The following TEAD4 variants were observed in gnomAD, a reference collection of about 807,000 sequenced individuals.
The protein encoded by TEAD4 is transcriptional enhancer factor TEF-3.
A neutral mutation model predicts 52.4 loss-of-function variants in TEAD4; 36 were observed. The ratio of observed to expected loss-of-function variants is 0.69; its 90% CI spans 0.53 to 0.91. The LOEUF (loss-of-function observed/expected upper bound fraction) is 0.91. Among genes scored for constraint, TEAD4 ranks in the 40% least tolerant of loss-of-function variants. The pLI is 0.00. For missense variants in TEAD4, 508 were observed against 583.9 expected, an observed-to-expected ratio of 0.87 and a Z score of 1.34; for synonymous variants, 220 against 231.0, an observed-to-expected ratio of 0.95 and a Z score of 0.43.
At chr12:3,019,203 G>A (rs572436511) in intron 8 of TEAD4, 33 bp downstream of exon 8, 26 of 1,611,508 alleles carry the variant, frequency 1.6e-5, no homozygotes, top group African/African-American at 1.6e-4. Context: ...CCTTTCTATC[G>A]CAGCCATGTG....
rs556880826 is a variant in TEAD4, at chr12:3,001,189, A to G, written c.226+6197A>G. ...TTTGTAAAGTGGAGGTCATAATACT[A>G]CTACCTTTGTGGGAGGTGATTTGGT... On this transcript the variant is annotated intron_variant, in intron 3 of 12. Coordinates refer to ENST00000359864, the MANE Select transcript of TEAD4 (RefSeq NM_003213.4). Among the ~76,000 whole-genome samples, 3 of 152,324 alleles carry G rather than the reference A, an allele frequency of 2.0e-5. No individual in the cohort carries two copies. In the South Asian group the frequency reaches 6.2e-4, roughly 32 times the overall value.
chr12:2,966,528 A>G (rs2098220408), intron 2 of TEAD4, among the ~76,000 whole-genome samples: 1 of 150,708 alleles, frequency 6.6e-6, no homozygotes, highest in Non-Finnish European at 1.5e-5. Context: ...CTCATGCCTC[A>G]GCCTCCCAAG....
Position 2,962,346 on chromosome 12 carries a change from A to ATTTT in TEAD4, c.-30+2309_-30+2312dup, listed in dbSNP as rs1555118355. ...TATATAAATATAAATATATATATAT[A>ATTTT]TTTTTTGAGATGGAGTTTCGCTCTT... On this transcript the variant is annotated intron_variant, in intron 2 of 12. Coordinates refer to ENST00000359864, the MANE Select transcript of TEAD4 (RefSeq NM_003213.4). Among the ~76,000 whole-genome samples the ATTTT allele has an allele frequency of 1.3e-3, 171 of 127,994 alleles. 1 individual carries two copies. Among genetic ancestry groups the ATTTT allele is most frequent in the African/African-American group, 4.6e-3 (152 of 33,092 alleles). 84.0% of individuals were successfully genotyped at this position (127,994 alleles called of 152,430 possible). A position where few individuals can be genotyped will look rare whatever the true frequency, so the allele number is the denominator to read the frequency against.
chr12:2,979,814 CACGAA>C (rs2098232726), intron 2 of TEAD4, among the ~76,000 whole-genome samples: 1 of 152,138 alleles, frequency 6.6e-6, no homozygotes, highest in Non-Finnish European at 1.5e-5. Context: ...GTTTTTAACC[CACGAA>C]CTTTGAGGGG....
chr12:3,034,493 G>A (rs946562954), intron 10 of TEAD4, among the ~76,000 whole-genome samples: 2 of 152,158 alleles, frequency 1.3e-5, no homozygotes, highest in South Asian at 4.1e-4. Flanking sequence ...GGGTAATAGA[G>A]GGGGATCTGC....
chr12:2,979,156 T>C (rs921739208), intron 2 of TEAD4, among the ~76,000 whole-genome samples: 3 of 152,194 alleles, frequency 2.0e-5, no homozygotes, highest in Non-Finnish European at 4.4e-5. Flanking sequence ...CCTCAGGTGA[T>C]CTGCCTGCCT....
chr12:2,976,331 T>C (rs1280478763), intron 2 of TEAD4, among the ~76,000 whole-genome samples: 1 of 137,552 alleles, frequency 7.3e-6, no homozygotes, highest in Non-Finnish European at 1.6e-5. Flanking sequence ...CTTTTTTTTT[T>C]TTTCTGAATA....
chr12:2,986,153 G>A (rs778441677), intron 2 of TEAD4, among the ~76,000 whole-genome samples: 24 of 152,066 alleles, frequency 1.6e-4, no homozygotes, highest in Admixed American at 8.5e-4. Flanking sequence ...CCTGCACAGC[G>A]TCAGGGTCGT....
chr12:2,962,327 A>AATATATAAATATAT (rs745423413), intron 2 of TEAD4, among the ~76,000 whole-genome samples: 76,552 of 112,256 alleles, frequency 0.68, 26,891 homozygotes, highest in Non-Finnish European at 0.8. Flanking sequence ...TATATATATA[A>AATATATAAATATAT]ATATAAATAT....
intron 5 of TEAD4, among the ~76,000 whole-genome samples, chr12:3,014,253 C>T (rs951551790): frequency 4.6e-5 from 7 of 152,196 alleles, no homozygotes; most frequent in Non-Finnish European, 7.3e-5. Context: ...CAGATGACCA[C>T]GGTGAACAGA....
chr12:2,988,473 T>C (rs1163302109), intron 2 of TEAD4, among the ~76,000 whole-genome samples: 15 of 146,214 alleles, frequency 1.0e-4, no homozygotes. Flanking sequence ...GAGCCGAGAT[T>C]GCGCCACTGC....
At chr12:2,987,507 T>TCAC (rs2098239531) in intron 2 of TEAD4, among the ~76,000 whole-genome samples, 1 of 152,030 alleles carries the variant, frequency 6.6e-6, no homozygotes, top group Non-Finnish European at 1.5e-5. Flanking sequence ...CGATCTCAGC[T>TCAC]CACTGCAAGC....
chr12:2,993,535 AT>A (rs1362028264), intron 2 of TEAD4, among the ~76,000 whole-genome samples: 1 of 152,090 alleles, frequency 6.6e-6, no homozygotes, highest in Admixed American at 6.6e-5. Context: ...CAGTGGCGCA[AT>A]CATGGCTAAC....
chr12:2,972,491 C>CTTTTTTTTTTTTT (rs751852771), intron 2 of TEAD4, among the ~76,000 whole-genome samples: 2 of 34,750 alleles, frequency 5.8e-5, no homozygotes, highest in African/African-American at 1.2e-4. Flanking sequence ...CAGCATGTCT[C>CTTTTTTTTTTTTT]TTTTTTTTTT....
At chr12:3,026,458 A>G (rs2098272144) in intron 10 of TEAD4, among the ~76,000 whole-genome samples, 1 of 152,190 alleles carries the variant, frequency 6.6e-6, no homozygotes, top group South Asian at 2.1e-4. Flanking sequence ...GCTTCTCTCT[A>G]TCTGCTGTCC....
At chr12:2,985,141 T>G (rs1335082128) in intron 2 of TEAD4, among the ~76,000 whole-genome samples, 1 of 152,114 alleles carries the variant, frequency 6.6e-6, no homozygotes, top group African/African-American at 2.4e-5. Context: ...TCCCAGCACT[T>G]TGGGAGGCCG....
intron 2 of TEAD4, among the ~76,000 whole-genome samples, chr12:2,986,225 C>G (rs1050466900): frequency 1.3e-5 from 2 of 152,184 alleles, no homozygotes; most frequent in East Asian, 1.9e-4. Flanking sequence ...GGCAGTAACT[C>G]GCATGGAGAT....
At position 3,001,510 on chromosome 12, in the gene TEAD4, G is replaced by A. The variant is rs554406171; in HGVS notation, c.226+6518G>A. Among the ~76,000 whole-genome samples, 129 of 152,316 alleles carry A rather than the reference G, an allele frequency of 8.5e-4. 2 individuals are homozygous for A. The highest frequency in any genetic ancestry group is 3.0e-3 in the African/African-American group (124 of 41,558). ...AATCAAGCCAGCCGCGGTGGCTCACGCCTGTAATCCCAGCACTTTGGGAGG... is the reference window on the plus strand; with the variant it reads ...AATCAAGCCAGCCGCGGTGGCTCACACCTGTAATCCCAGCACTTTGGGAGG... On this transcript the variant is annotated intron_variant, in intron 3 of 12. Transcript: ENST00000359864.
intron 2 of TEAD4, among the ~76,000 whole-genome samples, chr12:2,980,547 A>G (rs1025081866): frequency 6.6e-6 from 1 of 152,022 alleles, no homozygotes; most frequent in African/African-American, 2.4e-5. Context: ...AGTCTGGCCA[A>G]CATGGTGAAA....
Sources: gnomAD v4.1 joint callset for allele counts (sites outside exome capture counted in the v4.1 genomes callset) on GRCh38, gnomAD v4.1.1 for gene constraint, MANE v1.5 for transcripts, NCBI Gene and HGNC (gene_info 2026-07-23, HGNC 2026-07-21) for gene names.